The following CROCC variants were observed in gnomAD, a reference collection of about 807,000 sequenced individuals.
The protein encoded by CROCC is rootletin.
In CROCC, 180 loss-of-function variants were observed where a neutral mutation model predicts 245.2. The observed-to-expected ratio is 0.73, with a 90% CI of 0.65 to 0.83. The LOEUF is 0.83. CROCC is among the 40% of genes least tolerant of loss of function. CROCC has a pLI of 0.00. For missense variants in CROCC, 2,688 were observed against 2,779.4 expected, an observed-to-expected ratio of 0.97 and a Z score of 0.74; for synonymous variants, 1,205 against 1,241.6, an observed-to-expected ratio of 0.97 and a Z score of 0.62.
At chr1:16,952,323 A>C (rs1208330281) in intron 20 of CROCC, among the ~76,000 whole-genome samples, 1 of 151,776 alleles carries the variant, frequency 6.6e-6, no homozygotes, top group Non-Finnish European at 1.5e-5. Flanking sequence ...TCTCTACTAA[A>C]AATCACAAAA....
rs770176672 is a variant in CROCC at position 16,940,031 on chromosome 1, G to C, written c.1746G>C (p.Gln582His). The stretch of plus-strand genomic sequence containing the variant: ...GGGACAAGACCGACGGCGCCATGCA[G>C]GCCCACGAGGACGCCCAGCGCGAGG... ...RLRDKTDGAM[Q>H]AHEDAQREVQ... The change falls in exon 13 of 37, where the codon CAG becomes CAC. Residue 582 changes from glutamine (Q) to histidine (H), a missense_variant. Transcript: ENST00000375541. 35 of 1,611,052 alleles carry C rather than the reference G, an allele frequency of 2.2e-5. 2 individuals are homozygous for C. The South Asian group carries it at 3.8e-4, about 18-fold the overall frequency.
At chr1:16,944,340 C>T (rs1347887488) in intron 14 of CROCC, 58 bp downstream of exon 14, 7 of 1,459,720 alleles carry the variant, frequency 4.8e-6, no homozygotes, top group Admixed American at 4.4e-5. Context: ...GGTCCCCTGA[C>T]AGTGCCCCCC....
chr1:16,938,554 G>A lies in CROCC; in HGVS notation c.1374+71G>A, dbSNP rs1414128351. Reference sequence around the variant, plus strand: ...CCAGGCTCCCCCGCCACGTCTTTCGGTGACCTGGGACTGAACTGCAAATGG... The same window carrying A: ...CCAGGCTCCCCCGCCACGTCTTTCGATGACCTGGGACTGAACTGCAAATGG... On this transcript the variant is annotated intron_variant, in intron 11 of 36. Transcript: ENST00000375541. The A allele has an allele frequency of 3.6e-6, 5 of 1,404,934 alleles. No individual in the cohort carries two copies. The African/African-American group carries it at 5.6e-5, about 16-fold the overall frequency. 87.0% of individuals were successfully genotyped at this position (1,404,934 alleles called of 1,614,324 possible).
chr1:16,946,913 G>A lies in CROCC; in HGVS notation c.2436G>A (p.Glu812=). ...TGGAGGGCTCCCTACGAGTGGCGGA[G>A]CAGGCCCAGGAGGCATTGGAGCAGC... ...QGLEGSLRVA[E]QAQEALEQQL... Residue 812 remains glutamate, a synonymous_variant, in exon 17 of 37, where the codon GAG becomes GAA. Coordinates refer to ENST00000375541, the MANE Select transcript of CROCC (RefSeq NM_014675.5). 1.3e-6 allele frequency: 2 copies of A among 1,563,692 alleles called. No homozygotes were observed. The highest frequency in any genetic ancestry group is 1.4e-5 in the African/African-American group (1 of 73,996).
In CROCC at chr1:16,969,281, A is replaced by G. The variant is rs762977757; in HGVS notation, c.5242A>G (p.Lys1748Glu). The G allele has an allele frequency of 6.2e-7, 1 of 1,613,154 alleles. No individual in the cohort carries two copies. The highest frequency in any genetic ancestry group is 8.5e-7 in the Non-Finnish European group (1 of 1,179,878). ...TGCCAGCCTCAACAGCACCCGGGACAAGAACCTGCATCTGCAGAAGGCTCT... is the reference window on the plus strand; with the variant it reads ...TGCCAGCCTCAACAGCACCCGGGACGAGAACCTGCATCTGCAGAAGGCTCT... Reference protein sequence around the residue: ...SSASLNSTRDKNLHLQKALTA... With the variant: ...SSASLNSTRDENLHLQKALTA... The change falls in exon 32 of 37, where the codon AAG becomes GAG. Residue 1748 changes from lysine (K) to glutamate (E), a missense_variant. By Grantham distance (56) the Lys-to-Glu change is moderately conservative (BLOSUM62 1). Transcript: ENST00000375541.
rs1161997199 is a variant in CROCC, at chr1:16,931,358, T to C, written c.917T>C (p.Phe306Ser). 1 of 1,612,584 alleles carries C rather than the reference T, an allele frequency of 6.2e-7. No individual in the cohort carries two copies. The highest frequency in any genetic ancestry group is 8.5e-7 in the Non-Finnish European group (1 of 1,179,032). ...LLLLWRQVVG[F>S]RRLVSEVKMF... ...CTCCTCTGGAGGCAGGTGGTGGGGT[T>C]CCGGCGGCTGGTCAGCGAGGTGAAG... Residue 306 changes from phenylalanine (F) to serine (S), a missense_variant, in exon 8 of 37, where the codon TTC becomes TCC. Transcript: ENST00000375541.
rs377006555 is a variant in CROCC at position 16,948,918 on chromosome 1, C to T, written c.2828C>T (p.Thr943Ile). The change falls in exon 19 of 37, where the codon ACC (threonine) becomes ATC (isoleucine). Residue 943 changes from threonine (T) to isoleucine (I), a missense_variant. Transcript: ENST00000375541. Reference protein sequence around the residue: ...EGQALLLAKETLTGELAGLRQ... With the variant: ...EGQALLLAKEILTGELAGLRQ... The stretch of plus-strand genomic sequence containing the variant: ...CAGGCCCTGCTGCTGGCCAAGGAGA[C>T]CCTGACTGGTACGAGGGGCTGGGGA... The T allele has an allele frequency of 2.0e-5, 33 of 1,611,430 alleles. No homozygotes were observed. The African/African-American group carries it at 3.5e-4, about 17-fold the overall frequency.
chr1:16,927,038 A>G (rs2075549494), intron 3 of CROCC, among the ~76,000 whole-genome samples: 2 of 152,272 alleles, frequency 1.3e-5, no homozygotes, highest in South Asian at 2.1e-4. Context: ...TCTGTGTCCC[A>G]GAGGCAAACA....
rs754732552 is a variant in CROCC, at chr1:16,930,465, A to G, written c.720A>G (p.Arg240=). 6.2e-7 allele frequency: 1 copy of G among 1,612,384 alleles called. No homozygotes were observed. Residue 240 remains arginine (R), a synonymous_variant, in exon 7 of 37, where the codon CGA becomes CGG. Transcript: ENST00000375541. The part of the protein sequence containing the change: ...ASLAQVNAML[R]EQLDQAGSAN... The stretch of plus-strand genomic sequence containing the variant: ...TGGCCCAGGTGAATGCCATGCTCCG[A>G]GAACAGCTGGACCAGGCAGGCTCGG...
chr1:16,964,262 C>T (rs926732275), intron 27 of CROCC, among the ~76,000 whole-genome samples: 9 of 151,256 alleles, frequency 6.0e-5, no homozygotes, highest in Non-Finnish European at 1.0e-4. Context: ...CTCCAGACCT[C>T]AGCCTCCCAG....
chr1:16,958,855 T>C, intron 26 of CROCC, 105 bp downstream of exon 26: 1 of 1,299,032 alleles, frequency 7.7e-7, no homozygotes, highest in Non-Finnish European at 1.1e-6. Context: ...CCCTAGGGCT[T>C]GCTCCTTCCC....
At chr1:16,931,251 C>T (rs1557587609) in intron 7 of CROCC, 40 bp from the exon 8 acceptor site, 1 of 1,562,090 alleles carries the variant, frequency 6.4e-7, no homozygotes, top group Admixed American at 1.7e-5. Context: ...AGTAAACCCG[C>T]TCTCACACCA....
In CROCC at chr1:16,936,811, C is replaced by G; in HGVS notation, c.1131C>G (p.Arg377=). ...LEEQLRDKVL[R]EKDLAQQQMQ... is the part of the protein sequence containing the mutation. Reference sequence around the variant, plus strand: ...AGCAGCTGCGGGACAAGGTGCTCCGCGAGAAGGACCTGGCGCAGCAGCAGA... The same window carrying G: ...AGCAGCTGCGGGACAAGGTGCTCCGGGAGAAGGACCTGGCGCAGCAGCAGA... Residue 377 remains arginine, a synonymous_variant, in exon 9 of 37, where the codon CGC becomes CGG. Transcript: ENST00000375541. 1.9e-6 allele frequency: 3 copies of G among 1,612,212 alleles called. No homozygotes were observed. The highest frequency in any genetic ancestry group is 2.5e-6 in the Non-Finnish European group (3 of 1,179,842).
At chr1:16,933,886 A>G (rs2075733328) in intron 8 of CROCC, among the ~76,000 whole-genome samples, 1 of 152,266 alleles carries the variant, frequency 6.6e-6, no homozygotes, top group African/African-American at 2.4e-5. Flanking sequence ...GTCCCTTTTA[A>G]CTTATTTGTT....
At position 16,968,203 on chromosome 1, in the gene CROCC, G is replaced by A. The variant is rs1557643653; in HGVS notation, c.4861G>A (p.Glu1621Lys). 1.3e-6 allele frequency: 2 copies of A among 1,560,372 alleles called. No individual in the cohort carries two copies. Among genetic ancestry groups the A allele is most frequent in the East Asian group, 2.4e-5 (1 of 41,824 alleles). Reference sequence around the variant, plus strand: ...GGCCTGAGCCCCATGCCACCTGCAGGAGAAGATCAGCAAGATGAAGGCCAA... The same window carrying A: ...GGCCTGAGCCCCATGCCACCTGCAGAAGAAGATCAGCAAGATGAAGGCCAA... Reference protein sequence around the residue: ...ATESELRASQEKISKMKANET... With the variant: ...ATESELRASQKKISKMKANET... The change falls in exon 31 of 37, where the codon GAG (glutamate) becomes AAG (lysine). Residue 1621 changes from glutamate to lysine, a missense_variant and splice_region_variant. Coordinates refer to ENST00000375541, the MANE Select transcript of CROCC (RefSeq NM_014675.5).
At chr1:16,936,598 C>A in intron 8 of CROCC, 39 bp from the exon 9 acceptor site, 1 of 1,520,340 alleles carries the variant, frequency 6.6e-7, no homozygotes. Context: ...TAGTTGGGAG[C>A]AAGCCCCATC....
At chr1:16,950,370 T>G (rs1257080847) in intron 19 of CROCC, among the ~76,000 whole-genome samples, 2 of 149,204 alleles carry the variant, frequency 1.3e-5, no homozygotes, top group African/African-American at 2.5e-5. Flanking sequence ...GCCTATTTGT[T>G]TTTTTGAGGC....
chr1:16,957,601 C>T (rs954184459), intron 25 of CROCC, among the ~76,000 whole-genome samples: 3 of 151,904 alleles, frequency 2.0e-5, no homozygotes, highest in East Asian at 1.9e-4. Flanking sequence ...CGCCACCACA[C>T]CTGGCTAATT....
Position 16,930,530 on chromosome 1 carries a change from A to G in CROCC, c.785A>G (p.Asn262Ser), listed in dbSNP as rs749301589. 2.0e-5 allele frequency: 33 copies of G among 1,612,432 alleles called. No individual in the cohort carries two copies. Among genetic ancestry groups the G allele is most frequent in the South Asian group, 8.8e-5 (8 of 90,958 alleles). ...AGTGAGGACATACGAAAGGTGACCA[A>G]TGACTGGACACGCTGCCGCAAGGAG... ...ALSEDIRKVT[N>S]DWTRCRKELE... Residue 262 changes from asparagine (N) to serine (S), a missense_variant, in exon 7 of 37, where the codon AAT (asparagine) becomes AGT (serine). By Grantham distance (46) the Asn-to-Ser change is conservative. Around this residue, in one of 9 missense-constraint regions of CROCC, gnomAD observed 972 missense variants for 895.3 expected, o/e 1.09. Coordinates refer to ENST00000375541, the MANE Select transcript of CROCC (RefSeq NM_014675.5).
Sources: gnomAD v4.1 joint callset for allele counts (sites outside exome capture counted in the v4.1 genomes callset) on GRCh38, gnomAD v4.1.1 for gene constraint, gnomAD v4.1.1 regional missense constraint, MANE v1.5 for transcripts, NCBI Gene and HGNC (gene_info 2026-07-23, HGNC 2026-07-21) for gene names.